The following CSMD1 variants were observed in gnomAD, a reference collection of about 807,000 sequenced individuals.
The protein encoded by CSMD1 is CUB and sushi domain-containing protein 1.
A neutral mutation model predicts 417.5 loss-of-function variants in CSMD1; 213 were observed. The observed-to-expected ratio is 0.51, with a 90% CI of 0.46 to 0.57. The LOEUF (loss-of-function observed/expected upper bound fraction) is 0.57, where lower values mean the gene tolerates loss of function less well. Ranked by LOEUF, CSMD1 falls within the 20% of genes least tolerant of loss-of-function variation. The pLI is 0.00. For missense variants in CSMD1, 6,923 were observed against 4,529.7 expected (o/e 1.53, Z -15.17); for synonymous variants, 2,862 against 1,736.8 (o/e 1.65, Z -16.11).
chr8:3,748,176 G>T (rs543029460), intron 6 of CSMD1, among the ~76,000 whole-genome samples: 1 of 152,126 alleles, frequency 6.6e-6, no homozygotes, highest in Non-Finnish European at 1.5e-5. Context: ...CTTTTGTTCT[G>T]AGAGAAATTA....
At chr8:3,130,684 C>T (rs1817747316) in intron 41 of CSMD1, among the ~76,000 whole-genome samples, 1 of 151,966 alleles carries the variant, frequency 6.6e-6, no homozygotes, top group South Asian at 2.1e-4. Flanking sequence ...CTAGCACGTG[C>T]AGCCATGTCT....
intron 1 of CSMD1, among the ~76,000 whole-genome samples, chr8:4,754,948 C>G (rs537508511): frequency 6.6e-6 from 1 of 152,076 alleles, no homozygotes; most frequent in East Asian, 1.9e-4. Flanking sequence ...ACCAGCCTGG[C>G]CAACATAGTG....
At chr8:4,882,802 C>G (rs1486568178) in intron 1 of CSMD1, among the ~76,000 whole-genome samples, 2 of 151,816 alleles carry the variant, frequency 1.3e-5, no homozygotes, top group Non-Finnish European at 2.9e-5. Flanking sequence ...CCTCCTTTTT[C>G]AGTAACAAAC....
At chr8:4,028,307 C>T (rs1012905475) in intron 4 of CSMD1, among the ~76,000 whole-genome samples, 1 of 152,082 alleles carries the variant, frequency 6.6e-6, no homozygotes, top group Non-Finnish European at 1.5e-5. Flanking sequence ...CCAGATTCCC[C>T]ACCTATAATA....
chr8:3,415,644 G>A (rs921265011), intron 12 of CSMD1, among the ~76,000 whole-genome samples: 1 of 152,198 alleles, frequency 6.6e-6, no homozygotes, highest in Non-Finnish European at 1.5e-5. Flanking sequence ...ACAGGCGTGA[G>A]CCATTGTGCC....
chr8:2,994,014 C>T (rs1387861849), intron 54 of CSMD1, among the ~76,000 whole-genome samples: 3 of 148,966 alleles, frequency 2.0e-5, no homozygotes, highest in Admixed American at 6.7e-5. Flanking sequence ...ATTAGCTGGA[C>T]ATATTGGCAC....
intron 3 of CSMD1, among the ~76,000 whole-genome samples, chr8:4,312,459 ATGCGCG>A (rs1246117243): frequency 3.6e-5 from 5 of 138,880 alleles, no homozygotes; most frequent in African/African-American, 1.3e-4. Context: ...ACGTATATAT[ATGCGCG>A]TATATATATA....
At chr8:4,653,102 C>G (rs1176934349) in intron 1 of CSMD1, among the ~76,000 whole-genome samples, 2 of 152,020 alleles carry the variant, frequency 1.3e-5, no homozygotes, top group Non-Finnish European at 2.9e-5. Context: ...GACAGAGCTC[C>G]TTGTCTCTTT....
chr8:4,708,711 G>A (rs907444832), intron 1 of CSMD1, among the ~76,000 whole-genome samples: 8 of 151,974 alleles, frequency 5.3e-5, no homozygotes, highest in East Asian at 1.9e-4. Context: ...CAACTGTGGC[G>A]GTGGAATTGT....
intron 5 of CSMD1, among the ~76,000 whole-genome samples, chr8:3,771,245 C>A (rs906076029): frequency 6.6e-6 from 1 of 152,064 alleles, no homozygotes; most frequent in Non-Finnish European, 1.5e-5. Context: ...TGTTTGGCTC[C>A]GTGAGCCACT....
chr8:3,193,391 C>T (rs7816841), intron 33 of CSMD1, among the ~76,000 whole-genome samples: 118,447 of 151,896 alleles, frequency 0.78, 46,341 homozygotes, highest in Admixed American at 0.84. Flanking sequence ...ATTGTAAGGA[C>T]TTGAGACAGT....
At chr8:3,014,628 G>A (rs956450529) in intron 52 of CSMD1, among the ~76,000 whole-genome samples, 1 of 152,134 alleles carries the variant, frequency 6.6e-6, no homozygotes, top group Non-Finnish European at 1.5e-5. Context: ...GGGCGTGCCA[G>A]TTTCTGATTT....
chr8:4,674,928 C>T (rs769510810), intron 1 of CSMD1, among the ~76,000 whole-genome samples: 1 of 152,080 alleles, frequency 6.6e-6, no homozygotes, highest in African/African-American at 2.4e-5. Context: ...AGAAGAGATG[C>T]TAGAGAGGCT....
intron 49 of CSMD1, 82 bp from the exon 50 acceptor site, chr8:3,052,729 T>A: frequency 1.1e-6 from 1 of 914,844 alleles, no homozygotes; most frequent in South Asian, 2.3e-5. Flanking sequence ...GATTAATCAT[T>A]ATTATTGACT....
chr8:4,676,870 C>CATATTTTATATAT (rs1805719465), intron 1 of CSMD1, among the ~76,000 whole-genome samples: 1 of 149,514 alleles, frequency 6.7e-6, no homozygotes, highest in Non-Finnish European at 1.5e-5. Flanking sequence ...GAGAGATATA[C>CATATTTTATATAT]ATATTTTATA....
chr8:3,893,189 G>T (rs1037923129), intron 5 of CSMD1, among the ~76,000 whole-genome samples: 1 of 150,764 alleles, frequency 6.6e-6, no homozygotes, highest in South Asian at 2.1e-4. Flanking sequence ...ATGTTCCCAG[G>T]GCACGTCAGA....
chr8:4,039,332 T>G (rs1797771514), intron 3 of CSMD1, among the ~76,000 whole-genome samples: 2 of 152,220 alleles, frequency 1.3e-5, no homozygotes, highest in Admixed American at 1.3e-4. Flanking sequence ...GTGTTTGTTT[T>G]GGACTATTTG....
intron 1 of CSMD1, among the ~76,000 whole-genome samples, chr8:4,760,761 A>T (rs546742617): frequency 1.8e-4 from 27 of 152,286 alleles, no homozygotes; most frequent in African/African-American, 6.3e-4. Context: ...TTATCAGCTA[A>T]GTTTTAGAAC....
chr8:3,771,432 G>C (rs1397279623), intron 5 of CSMD1, among the ~76,000 whole-genome samples: 1 of 152,160 alleles, frequency 6.6e-6, no homozygotes, highest in African/African-American at 2.4e-5. Context: ...GCAGATGATA[G>C]CAAGTTCTTC....
Sources: allele counts gnomAD v4.1 joint callset (sites outside exome capture counted in the v4.1 genomes callset), GRCh38; gene constraint gnomAD v4.1.1; transcripts MANE v1.5; gene names NCBI Gene and HGNC (gene_info 2026-07-23, HGNC 2026-07-21).